The following IFI16 variants were observed in gnomAD, a reference collection of about 807,000 sequenced individuals.
IFI16 encodes the protein gamma-interferon-inducible protein 16.
In IFI16, 49 loss-of-function variants were observed where a neutral mutation model predicts 68.4. The observed-to-expected ratio is 0.72, with a 90% CI of 0.57 to 0.91. The LOEUF (loss-of-function observed/expected upper bound fraction) is 0.91, where lower values mean the gene tolerates loss of function less well. Ranked by LOEUF, IFI16 falls within the 40% of genes least tolerant of loss-of-function variation. The pLI, the probability that IFI16 is intolerant of heterozygous loss-of-function variation, is 0.00. For missense variants in IFI16, 878 were observed against 942.9 expected, an observed-to-expected ratio of 0.93 and a Z score of 0.90; for synonymous variants, 307 against 315.0, an observed-to-expected ratio of 0.97 and a Z score of 0.27.
intron 6 of IFI16, among the ~76,000 whole-genome samples, chr1:159,027,897 C>G (rs905309397): frequency 3.1e-4 from 47 of 152,052 alleles, no homozygotes; most frequent in Non-Finnish European, 6.2e-4. Flanking sequence ...TTGATCTTCT[C>G]TCTTCTTTTC....
At chr1:159,037,405 C>T (rs549883542) in intron 7 of IFI16, among the ~76,000 whole-genome samples, 25 of 152,336 alleles carry the variant, frequency 1.6e-4, no homozygotes, top group African/African-American at 4.8e-4. Flanking sequence ...CTTGTCCTTA[C>T]TCATCATGGT....
chr1:159,042,201 T>C (rs1486015054), intron 7 of IFI16, among the ~76,000 whole-genome samples: 1 of 152,218 alleles, frequency 6.6e-6, no homozygotes, highest in Admixed American at 6.5e-5. Flanking sequence ...TTTATTCTTA[T>C]TGATGATAGG....
In IFI16 at chr1:159,015,956, C is replaced by G. The variant is rs1652897180; in HGVS notation, c.350C>G (p.Thr117Ser). The change falls in exon 3 of 12, where the codon ACT becomes AGT. Residue 117 changes from threonine to serine, a missense_variant. This residue lies in a region of IFI16 where 443 missense variants were observed against 421.8 expected (regional missense o/e 1.05). Coordinates refer to ENST00000295809, the MANE Select transcript of IFI16 (RefSeq NM_001376587.1). The part of the protein sequence containing the change: ...PAPSTSSTVK[T>S]EGAEATPGAQ... ...CCCTCCACAAGCAGCACTGTCAAAACTGAAGGAGCAGAGGCAACTCCTGGA... is the reference window on the plus strand; with the variant it reads ...CCCTCCACAAGCAGCACTGTCAAAAGTGAAGGAGCAGAGGCAACTCCTGGA... 2 of 1,613,948 alleles carry G rather than the reference C, an allele frequency of 1.2e-6. No individual in the cohort carries two copies. Among genetic ancestry groups the G allele is most frequent in the East Asian group, 2.2e-5 (1 of 44,896 alleles).
Position 159,049,463 on chromosome 1 carries a change from A to G in IFI16, c.1529A>G (p.Asp510Gly). The G allele has an allele frequency of 6.7e-7, 1 of 1,499,292 alleles. No homozygotes were observed. The highest frequency in any genetic ancestry group is 9.1e-7 in the Non-Finnish European group (1 of 1,094,476). The allele number at this position is 1,499,292 out of a possible 1,614,324, so 92.9% of individuals were successfully genotyped here. A position where few individuals can be genotyped will look rare whatever the true frequency, so the allele number is the denominator to read the frequency against. ...GAAGACACAATCTCCAAAATGAATG[A>G]CTTCATGAGGATGCAGATACTGAAG... ...KSEDTISKMNDFMRMQILKEG... is the reference protein window; with the variant it reads ...KSEDTISKMNGFMRMQILKEG... The change falls in exon 9 of 12, where the codon GAC becomes GGC. Residue 510 changes from aspartate to glycine, a missense_variant. Transcript: ENST00000295809.
At chr1:159,031,402 C>T (rs1215871855) in intron 6 of IFI16, among the ~76,000 whole-genome samples, 1 of 152,226 alleles carries the variant, frequency 6.6e-6, no homozygotes, top group African/African-American at 2.4e-5. Context: ...TGGAAGTTTT[C>T]TTCTCCCTGT....
chr1:159,051,924 C>T lies in IFI16; in HGVS notation c.1911C>T (p.Cys637=). 1 of 1,614,020 alleles carries T rather than the reference C, an allele frequency of 6.2e-7. No individual in the cohort carries two copies. ...TCATTGCCATAGCAAATTATGTTTG[C>T]CGCAATGGGTTCCTGGAGGTATATC... ...KKIIAIANYV[C]RNGFLEVYPF... The change falls in exon 10 of 12, where the codon TGC becomes TGT. Residue 637 remains cysteine, a synonymous_variant. Transcript: ENST00000295809.
intron 8 of IFI16, among the ~76,000 whole-genome samples, chr1:159,045,747 C>CTT (rs1272386968): frequency 1.3e-5 from 2 of 151,046 alleles, no homozygotes; most frequent in African/African-American, 4.9e-5. Context: ...GAAAATAATA[C>CTT]TTTAAGGTAG....
intron 6 of IFI16, among the ~76,000 whole-genome samples, chr1:159,029,459 G>A (rs2157694): frequency 0.28 from 43,030 of 152,030 alleles, 8,193 homozygotes; most frequent in African/African-American, 0.54. Flanking sequence ...TGGTGACTAT[G>A]TGCCTAGGCG....
At position 159,015,910 on chromosome 1, in the gene IFI16, G is replaced by T. The variant is rs1453423932; in HGVS notation, c.304G>T (p.Val102Leu). ...CCTATCAAGAAAGAGGAAGAAGGAA[G>T]TGGATGCTACTTCACCTGCACCCTC... ...PALSRKRKKE[V>L]DATSPAPSTS... Residue 102 changes from valine to leucine, a missense_variant, in exon 3 of 12, where the codon GTG (valine) becomes TTG (leucine). Physicochemically the swap from Val to Leu is conservative, Grantham distance 32 (BLOSUM62 1). Coordinates refer to ENST00000295809, the MANE Select transcript of IFI16 (RefSeq NM_001376587.1). 1 of 1,613,962 alleles carries T rather than the reference G, an allele frequency of 6.2e-7. No individual in the cohort carries two copies. Among genetic ancestry groups the T allele is most frequent in the Non-Finnish European group, 8.5e-7 (1 of 1,179,964 alleles).
chr1:159,047,119 G>A (rs2852697), intron 8 of IFI16, among the ~76,000 whole-genome samples: 149,864 of 150,920 alleles, frequency 0.99, 74,436 homozygotes, highest in Middle Eastern at 1. Flanking sequence ...GAGGGATAGG[G>A]AACACTAAGA....
intron 7 of IFI16, among the ~76,000 whole-genome samples, chr1:159,044,817 A>T (rs1654880772): frequency 6.6e-6 from 1 of 152,160 alleles, no homozygotes; most frequent in South Asian, 2.1e-4. Flanking sequence ...AATTTGAGAG[A>T]ATCTTCTTAT....
chr1:159,043,038 A>G (rs1390304335), intron 7 of IFI16, among the ~76,000 whole-genome samples: 4 of 152,240 alleles, frequency 2.6e-5, no homozygotes, highest in African/African-American at 9.6e-5. Context: ...CCCAGGTTGC[A>G]GACCTGAGCA....
chr1:159,038,189 T>G (rs1166355956), intron 7 of IFI16, among the ~76,000 whole-genome samples: 1 of 152,194 alleles, frequency 6.6e-6, no homozygotes, highest in Non-Finnish European at 1.5e-5. Context: ...CTGTCATATA[T>G]CCATAAATAT....
chr1:159,045,897 C>G (rs564747087), intron 8 of IFI16, among the ~76,000 whole-genome samples: 1 of 151,220 alleles, frequency 6.6e-6, no homozygotes, highest in East Asian at 1.9e-4. Flanking sequence ...TTTTAACTAT[C>G]AGAAATCTTT....
intron 7 of IFI16, among the ~76,000 whole-genome samples, chr1:159,035,966 A>G (rs1020819861): frequency 7.9e-5 from 12 of 152,334 alleles, no homozygotes; most frequent in African/African-American, 2.9e-4. Context: ...ATAATACTCC[A>G]AGGTACTCTC....
intron 8 of IFI16, among the ~76,000 whole-genome samples, chr1:159,048,793 G>A (rs1040476010): frequency 4.0e-5 from 6 of 151,570 alleles, no homozygotes; most frequent in African/African-American, 2.4e-5. Flanking sequence ...ATATTCTCCA[G>A]TCTTACTTGA....
chr1:159,041,425 G>A (rs77829621), intron 7 of IFI16, among the ~76,000 whole-genome samples: 8 of 152,222 alleles, frequency 5.3e-5, no homozygotes, highest in East Asian at 1.9e-4. Flanking sequence ...GAGGATCCTC[G>A]CAGCAAAGAT....
intron 7 of IFI16, among the ~76,000 whole-genome samples, chr1:159,042,000 A>G (rs987606837): frequency 6.6e-6 from 1 of 152,212 alleles, no homozygotes; most frequent in African/African-American, 2.4e-5. Flanking sequence ...TAAATAAGCA[A>G]TGTGTCCATT....
chr1:159,048,406 A>G (rs1164822809), intron 8 of IFI16, among the ~76,000 whole-genome samples: 1 of 151,594 alleles, frequency 6.6e-6, no homozygotes, highest in Non-Finnish European at 1.5e-5. Context: ...TATTAGAGTC[A>G]GGATTCAAAT....
Sources: gnomAD v4.1 joint callset for allele counts (sites outside exome capture counted in the v4.1 genomes callset) on GRCh38, gnomAD v4.1.1 for gene constraint, gnomAD v4.1.1 regional missense constraint, MANE v1.5 for transcripts, NCBI Gene and HGNC (gene_info 2026-07-23, HGNC 2026-07-21) for gene names.